The following GABRG3 variants were observed in gnomAD, a reference collection of about 807,000 sequenced individuals.
GABRG3 encodes the protein gamma-aminobutyric acid receptor subunit gamma-3.
GABRG3 carries 25 observed loss-of-function variants against 48.8 expected under a neutral mutation model. The observed-to-expected ratio is 0.51, with a 90% CI of 0.37 to 0.72. The LOEUF is 0.72. Among genes scored for constraint, GABRG3 ranks in the 30% least tolerant of loss-of-function variants. The pLI, the probability that GABRG3 is intolerant of heterozygous loss-of-function variation, is 0.00. For missense variants in GABRG3, 394 were observed against 577.9 expected (o/e 0.68, Z 3.26); for synonymous variants, 227 against 217.6 (o/e 1.04, Z -0.38).
intron 3 of GABRG3, among the ~76,000 whole-genome samples, chr15:27,177,090 A>T (rs1887771035): frequency 6.6e-6 from 1 of 151,998 alleles, no homozygotes; most frequent in African/African-American, 2.4e-5. Context: ...GGATAACTTG[A>T]TGTGCAGGGG....
chr15:27,252,444 T>C (rs1890488903), intron 3 of GABRG3, among the ~76,000 whole-genome samples: 1 of 152,152 alleles, frequency 6.6e-6, no homozygotes, highest in African/African-American at 2.4e-5. Context: ...CACAATGTCC[T>C]GTGAAGGTTC....
At chr15:27,142,017 T>C (rs1234580898) in intron 3 of GABRG3, among the ~76,000 whole-genome samples, 1 of 152,254 alleles carries the variant, frequency 6.6e-6, no homozygotes, top group African/African-American at 2.4e-5. Context: ...AGAAAAGAAT[T>C]GAGTGGAAAA....
chr15:27,107,031 T>TAG (rs1897461694), intron 3 of GABRG3, among the ~76,000 whole-genome samples: 1 of 152,058 alleles, frequency 6.6e-6, no homozygotes, highest in African/African-American at 2.4e-5. Context: ...TAGCACTAGC[T>TAG]AGGCTTTCCA....
rs1475617547 is a variant in GABRG3, at chr15:27,179,616, G to C, written c.271-147193G>C. Among the ~76,000 whole-genome samples, 1 of 152,142 alleles carries C rather than the reference G, an allele frequency of 6.6e-6. No individual in the cohort carries two copies. The highest frequency in any genetic ancestry group is 1.5e-5 in the Non-Finnish European group (1 of 68,032). ...ATTGTTCAGAATTCACTCATTTCCA[G>C]ACTACAAAGATGCACAGAACCCTCG... is the stretch of plus-strand genomic sequence containing the variant. On this transcript the variant is annotated intron_variant, in intron 3 of 9. Transcript: ENST00000615808. The surrounding 1 kb of genome is among the most constrained non-coding windows in gnomAD (Gnocchi z 4.0).
chr15:27,158,269 G>A (rs1898486504), intron 3 of GABRG3: 1 of 152,098 alleles, frequency 6.6e-6, no homozygotes, highest in African/African-American at 2.4e-5. Flanking sequence ...AATATACCTG[G>A]ATCTGTAAAT....
At chr15:27,047,629 T>A (rs1053941405) in intron 3 of GABRG3, among the ~76,000 whole-genome samples, 1 of 152,224 alleles carries the variant, frequency 6.6e-6, no homozygotes, top group African/African-American at 2.4e-5. Context: ...TTTAAAGTTT[T>A]TCAGATTTAT....
At chr15:27,435,311 A>T (rs1365885522) in intron 5 of GABRG3, among the ~76,000 whole-genome samples, 2 of 152,010 alleles carry the variant, frequency 1.3e-5, no homozygotes, top group African/African-American at 2.4e-5. Flanking sequence ...ATGGTAAAAT[A>T]GTAAATATTG....
At chr15:27,312,927 A>T (rs2140508195) in intron 3 of GABRG3, among the ~76,000 whole-genome samples, 1 of 151,806 alleles carries the variant, frequency 6.6e-6, no homozygotes, top group African/African-American at 2.4e-5. Flanking sequence ...AAAAGTTAAA[A>T]AAAAGTATAA....
chr15:27,291,320 A>G (rs150447561), intron 3 of GABRG3, among the ~76,000 whole-genome samples: 1 of 151,964 alleles, frequency 6.6e-6, no homozygotes, highest in Admixed American at 6.6e-5. Context: ...GTAACTTTAG[A>G]TATCACTTAT....
chr15:27,380,339 C>A (rs1449686721), intron 5 of GABRG3, among the ~76,000 whole-genome samples: 1 of 151,804 alleles, frequency 6.6e-6, no homozygotes, highest in Non-Finnish European at 1.5e-5. Flanking sequence ...ATTGTTTTAA[C>A]TTTATGGTCT....
intron 3 of GABRG3, among the ~76,000 whole-genome samples, chr15:27,091,848 G>A (rs898705306): frequency 2.0e-5 from 3 of 152,162 alleles, no homozygotes; most frequent in Admixed American, 1.3e-4. Context: ...GCAGAGCTAC[G>A]GCAAGCTAAA....
chr15:27,460,743 A>C (rs1889423110), intron 5 of GABRG3, among the ~76,000 whole-genome samples: 1 of 152,198 alleles, frequency 6.6e-6, no homozygotes. Flanking sequence ...ATCTGGCCCG[A>C]GGACATGACT....
rs1887880414 is a variant in GABRG3, at chr15:27,180,128, G to C, written c.271-146681G>C. Among the ~76,000 whole-genome samples, 1 of 152,146 alleles carries C rather than the reference G, an allele frequency of 6.6e-6. No homozygotes were observed. Among genetic ancestry groups the C allele is most frequent in the South Asian group, 2.1e-4 (1 of 4,826 alleles). ...TTGCACTTGTTTTACCAATCACAGA[G>C]CTCACAAAGAAGTTGTCCAGGCCCG... On this transcript the variant is annotated intron_variant, in intron 3 of 9. Coordinates refer to ENST00000615808, the MANE Select transcript of GABRG3 (RefSeq NM_033223.5). The surrounding 1 kb of genome is among the most constrained non-coding windows in gnomAD (Gnocchi z 4.2).
intron 3 of GABRG3, among the ~76,000 whole-genome samples, chr15:27,247,174 A>C (rs1186378369): frequency 1.3e-5 from 2 of 152,082 alleles, no homozygotes; most frequent in African/African-American, 4.8e-5. Flanking sequence ...TCCTGGCCTC[A>C]AGCAGTCCTC....
At position 27,256,233 on chromosome 15, in the gene GABRG3, G is replaced by A. The variant is rs898678526; in HGVS notation, c.271-70576G>A. On this transcript the variant is annotated intron_variant, in intron 3 of 9. Transcript: ENST00000615808. ...CGAGGCGGGCGGATCAGGAGGTCAG[G>A]AGATCAAGACCATCCTGGCTAACAT... Among the ~76,000 whole-genome samples the A allele has an allele frequency of 2.0e-5, 3 of 152,074 alleles. No individual in the cohort carries two copies. The East Asian group carries it at 5.8e-4, about 30-fold the overall frequency.
intron 3 of GABRG3, among the ~76,000 whole-genome samples, chr15:27,112,535 G>A (rs1897571680): frequency 6.6e-6 from 1 of 150,660 alleles, no homozygotes; most frequent in South Asian, 2.1e-4. Context: ...CTGCCTCCTG[G>A]GTTCAAGCGA....
chr15:27,307,904 TAAAC>T (rs1223062306), intron 3 of GABRG3, among the ~76,000 whole-genome samples: 4 of 84,718 alleles, frequency 4.7e-5, no homozygotes, highest in Admixed American at 1.2e-4. Flanking sequence ...ATATATAAAA[TAAAC>T]ATGTTTATAT....
intron 6 of GABRG3, among the ~76,000 whole-genome samples, chr15:27,490,602 C>T (rs1049469564): frequency 1.3e-5 from 2 of 152,152 alleles, no homozygotes; most frequent in African/African-American, 2.4e-5. Context: ...AACCTGGGTG[C>T]GTTTCCTCTT....
chr15:27,113,597 C>T (rs1012861017), intron 3 of GABRG3, among the ~76,000 whole-genome samples: 22 of 152,204 alleles, frequency 1.4e-4, no homozygotes, highest in Non-Finnish European at 2.6e-4. Flanking sequence ...TATACATTTA[C>T]AGCAGAGTGG....
Sources: gnomAD v4.1 joint callset for allele counts (sites outside exome capture counted in the v4.1 genomes callset) on GRCh38, gnomAD v4.1.1 for gene constraint, Gnocchi (gnomAD v3.1) non-coding constraint, MANE v1.5 for transcripts, NCBI Gene and HGNC (gene_info 2026-07-23, HGNC 2026-07-21) for gene names.